The following GGNBP2 variants were observed in gnomAD, a reference collection of about 807,000 sequenced individuals.
GGNBP2 encodes gametogenetin binding protein 2, also known as gametogenetin-binding protein 2.
A neutral mutation model predicts 85.9 loss-of-function variants in GGNBP2; 10 were observed. That is an observed-to-expected ratio of 0.12 (90% CI 0.07 to 0.20). The LOEUF (loss-of-function observed/expected upper bound fraction) is 0.20, where lower values mean the gene tolerates loss of function less well. GGNBP2 is among the 10% of genes least tolerant of loss of function. GGNBP2 has a pLI of 1.00. For missense variants in GGNBP2, 595 were observed against 857.8 expected, an observed-to-expected ratio of 0.69 and a Z score of 3.83; for synonymous variants, 287 against 285.7, an observed-to-expected ratio of 1.00 and a Z score of -0.05.
chr17:36,564,920 AG>A (rs2074454219), intron 5 of GGNBP2, among the ~76,000 whole-genome samples: 1 of 152,154 alleles, frequency 6.6e-6, no homozygotes, highest in Non-Finnish European at 1.5e-5. Context: ...TCTGTCTGGG[AG>A]TAAGTTTGAG....
intron 9 of GGNBP2, chr17:36,582,191 A>G (rs529136646): frequency 6.6e-6 from 1 of 152,126 alleles, no homozygotes; most frequent in South Asian, 2.1e-4. Flanking sequence ...TTGTATTCTT[A>G]AATTATCTCT....
At chr17:36,565,566 C>G (rs2142732613) in intron 5 of GGNBP2, among the ~76,000 whole-genome samples, 1 of 151,918 alleles carries the variant, frequency 6.6e-6, no homozygotes, top group Admixed American at 6.6e-5. Context: ...GAGAGTTTTT[C>G]AGTTCTGGGA....
At chr17:36,564,745 C>A (rs1443097023) in intron 5 of GGNBP2, among the ~76,000 whole-genome samples, 3 of 151,982 alleles carry the variant, frequency 2.0e-5, no homozygotes, top group South Asian at 4.1e-4. Flanking sequence ...TTTCCACTCC[C>A]CCTCCTGCTG....
intron 2 of GGNBP2, among the ~76,000 whole-genome samples, chr17:36,550,693 A>T (rs1333098767): frequency 1.3e-5 from 2 of 152,242 alleles, no homozygotes; most frequent in Non-Finnish European, 2.9e-5. Context: ...TAAACTTTAT[A>T]AAGCAGTAAT....
In GGNBP2 at chr17:36,553,373, A is replaced by G. The variant is rs147826780; in HGVS notation, c.94-1447A>G. 2.0e-5 allele frequency among the ~76,000 whole-genome samples: 3 copies of G among 152,318 alleles called. No individual in the cohort carries two copies. In the East Asian group the frequency reaches 5.8e-4, roughly 29 times the overall value. On this transcript the variant is annotated intron_variant, in intron 2 of 13. Transcript: ENST00000613102. ...TATATCTCATATTCCTCCGTTATCA[A>G]GAAAAACTCTTAAATCTATTGCTTA...
chr17:36,554,207 G>A (rs1249901444), intron 2 of GGNBP2, among the ~76,000 whole-genome samples: 2 of 150,458 alleles, frequency 1.3e-5, no homozygotes, highest in Admixed American at 1.3e-4. Context: ...TACTCGCGAG[G>A]CTGAGGCAGG....
At chr17:36,561,104 G>T (rs2074412487) in intron 5 of GGNBP2, among the ~76,000 whole-genome samples, 1 of 151,936 alleles carries the variant, frequency 6.6e-6, no homozygotes, top group Non-Finnish European at 1.5e-5. Flanking sequence ...ATATGTTTTA[G>T]AGGAGGGAGG....
Position 36,577,990 on chromosome 17 carries a change from A to G in GGNBP2, c.649A>G (p.Thr217Ala). 1 of 1,613,670 alleles carries G rather than the reference A, an allele frequency of 6.2e-7. No homozygotes were observed. Among genetic ancestry groups the G allele is most frequent in the Non-Finnish European group, 8.5e-7 (1 of 1,179,668 alleles). The change falls in exon 7 of 14, where the codon ACT becomes GCT. Residue 217 changes from threonine to alanine, a missense_variant. Physicochemically the swap from Thr to Ala is moderately conservative, Grantham distance 58 (BLOSUM62 0). Coordinates refer to ENST00000613102, the MANE Select transcript of GGNBP2 (RefSeq NM_024835.5). ...ETYLRKHRFC[T>A]DCKNKVLRAY... ...GGTTTTTCTTTTCAACAGGTTTTGC[A>G]CTGATTGCAAAAATAAAGTCCTCCG...
intron 2 of GGNBP2, among the ~76,000 whole-genome samples, chr17:36,554,460 C>T (rs1457004237): frequency 5.6e-5 from 8 of 141,608 alleles, no homozygotes; most frequent in African/African-American, 8.0e-5. Flanking sequence ...CTCTGCCTCC[C>T]GGGTTCAAGT....
intron 2 of GGNBP2, among the ~76,000 whole-genome samples, chr17:36,549,877 G>A (rs1675814542): frequency 6.6e-6 from 1 of 151,688 alleles, no homozygotes; most frequent in African/African-American, 2.4e-5. Context: ...ATTACTGGTT[G>A]GATCAAAGGA....
At chr17:36,579,890 A>G (rs2074628737) in intron 8 of GGNBP2, among the ~76,000 whole-genome samples, 1 of 152,064 alleles carries the variant, frequency 6.6e-6, no homozygotes, top group African/African-American at 2.4e-5. Context: ...GGGCACCTGT[A>G]ATCCAGCTAC....
At chr17:36,556,397 T>TCAAAA (rs751514532) in intron 3 of GGNBP2, among the ~76,000 whole-genome samples, 8 of 152,032 alleles carry the variant, frequency 5.3e-5, no homozygotes, top group African/African-American at 1.9e-4. Flanking sequence ...TTAAAAGTTG[T>TCAAAA]CAAAACAAAA....
Position 36,577,698 on chromosome 17 carries a change from C to T in GGNBP2, c.642-285C>T, listed in dbSNP as rs1599541710. 6.9e-6 allele frequency: 3 copies of T among 437,350 alleles called. No individual in the cohort carries two copies. In the East Asian group the frequency reaches 1.4e-4, roughly 20 times the overall value. The allele number at this position is 437,350 out of a possible 1,614,324, so 27.1% of individuals were successfully genotyped here. A position where few individuals can be genotyped will look rare whatever the true frequency, so the allele number is the denominator to read the frequency against. On this transcript the variant is annotated intron_variant, in intron 6 of 13. Coordinates refer to ENST00000613102, the MANE Select transcript of GGNBP2 (RefSeq NM_024835.5). ...ATATGCTAGTTCTTGGCAACTAATACTTTTCTGGGCATGCATTTTATGAAA... is the reference window on the plus strand; with the variant it reads ...ATATGCTAGTTCTTGGCAACTAATATTTTTCTGGGCATGCATTTTATGAAA...
chr17:36,549,445 A>G (rs2074287759), intron 2 of GGNBP2, among the ~76,000 whole-genome samples: 1 of 152,214 alleles, frequency 6.6e-6, no homozygotes. Context: ...ACCTCAGGTC[A>G]TCTGTCCGCC....
At chr17:36,547,201 G>C (rs143625954) in intron 2 of GGNBP2, 1 of 152,160 alleles carries the variant, frequency 6.6e-6, no homozygotes, top group East Asian at 1.9e-4. Context: ...CTAGCACTGT[G>C]ATCATATTAA....
chr17:36,578,566 G>C (rs2074614169), intron 7 of GGNBP2: 1 of 180,622 alleles, frequency 5.5e-6, no homozygotes, highest in African/African-American at 2.4e-5. Flanking sequence ...CTTTGCAGTA[G>C]GGGATTAAGA....
At chr17:36,569,521 G>A (rs2074502120) in intron 6 of GGNBP2, among the ~76,000 whole-genome samples, 1 of 152,198 alleles carries the variant, frequency 6.6e-6, no homozygotes, top group African/African-American at 2.4e-5. Context: ...TGACTTTGAG[G>A]CAGATATACA....
chr17:36,573,915 A>G (rs2074550866), intron 6 of GGNBP2, among the ~76,000 whole-genome samples: 1 of 152,136 alleles, frequency 6.6e-6, no homozygotes, highest in South Asian at 2.1e-4. Context: ...TTTGTTGCCC[A>G]GGCTGGAGTG....
chr17:36,571,316 C>T (rs576692367), intron 6 of GGNBP2, among the ~76,000 whole-genome samples: 172 of 152,088 alleles, frequency 1.1e-3, no homozygotes, highest in Non-Finnish European at 2.0e-3. Flanking sequence ...CTTTGGGAGG[C>T]GGAGGTGGGT....
Sources: allele counts gnomAD v4.1 joint callset (sites outside exome capture counted in the v4.1 genomes callset), GRCh38; gene constraint gnomAD v4.1.1; transcripts MANE v1.5; gene names NCBI Gene and HGNC (gene_info 2026-07-23, HGNC 2026-07-21).